The following SYS1 variants were observed in gnomAD, a reference collection of about 807,000 sequenced individuals.
SYS1 encodes protein SYS1 homolog.
Under a neutral mutation model 17.8 loss-of-function variants are expected in SYS1, and 8 were observed. That is an observed-to-expected ratio of 0.45 (90% CI 0.26 to 0.81). SYS1 has a LOEUF of 0.81. Ranked by LOEUF, SYS1 falls within the 40% of genes least tolerant of loss-of-function variation. SYS1 has a pLI of 0.16. For synonymous variants in SYS1, 95 were observed against 90.9 expected, an observed-to-expected ratio of 1.05 and a Z score of -0.26; for missense variants, 161 against 203.9, an observed-to-expected ratio of 0.79 and a Z score of 1.28.
At chr20:45,373,907 T>C (rs1988634550), downstream of SYS1, 9 of 1,613,704 alleles carry the variant, frequency 5.6e-6, no homozygotes, top group Non-Finnish European at 6.8e-6. Context: ...ATGGAAGATC[T>C]TATTTGTAGA....
Position 45,367,267 on chromosome 20 carries a change from A to G in SYS1, c.*152A>G, listed in dbSNP as rs1036421441. 4.4e-5 allele frequency: 64 copies of G among 1,460,872 alleles called. No individual in the cohort carries two copies. Among genetic ancestry groups the G allele is most frequent in the Non-Finnish European group, 5.6e-5 (62 of 1,109,566 alleles). The allele number at this position is 1,460,872 out of a possible 1,614,324, so 90.5% of individuals were successfully genotyped here. On this transcript the variant is annotated 3_prime_UTR_variant, in exon 4 of 4. Coordinates refer to ENST00000243918, the MANE Select transcript of SYS1 (RefSeq NM_033542.4). The stretch of plus-strand genomic sequence containing the variant: ...GGGAGAGATAGTGAGGGCCTGTCAA[A>G]GAAGGCAGGTAGCAGTCAGCATGAC...
chr20:45,373,533 C>A (rs1988620659), downstream of SYS1: 1 of 275,956 alleles, frequency 3.6e-6, no homozygotes, highest in Non-Finnish European at 7.0e-6. Context: ...GAATGGGGAG[C>A]AACCAGGAGC....
In SYS1 at chr20:45,369,165, C is replaced by CA. The variant is rs1240444166; in HGVS notation, c.*2051dup. The CA allele has an allele frequency of 7.9e-5, 12 of 152,296 alleles. No individual in the cohort carries two copies. The East Asian group carries it at 2.3e-3, about 29-fold the overall frequency. The allele number at this position is 152,296 out of a possible 1,614,324, so 9.4% of individuals were successfully genotyped here. On this transcript the variant is annotated 3_prime_UTR_variant, in exon 4 of 4. Coordinates refer to ENST00000243918, the MANE Select transcript of SYS1 (RefSeq NM_033542.4). Reference sequence around the variant, plus strand: ...AGAGAGGGCAGGGCAATGGCAGTGACATGTTTGTCATTTTAATAATAAATA... The same window carrying CA: ...AGAGAGGGCAGGGCAATGGCAGTGACAATGTTTGTCATTTTAATAATAAATA...
intron 3 of SYS1, 116 bp from the exon 4 acceptor site, chr20:45,366,759 C>T: frequency 2.3e-6 from 2 of 851,230 alleles, no homozygotes; most frequent in Non-Finnish European, 3.8e-6. Flanking sequence ...ACCCTTGCTT[C>T]ACACTTATCT....
downstream of SYS1, among the ~76,000 whole-genome samples, chr20:45,372,155 A>T (rs1600752613): frequency 6.6e-6 from 1 of 152,078 alleles, no homozygotes; most frequent in East Asian, 1.9e-4. Context: ...TAGTGGGGAG[A>T]CCCTGGTTGT....
downstream of SYS1, among the ~76,000 whole-genome samples, chr20:45,370,076 C>T (rs1988529813): frequency 1.3e-5 from 2 of 151,838 alleles, no homozygotes; most frequent in African/African-American, 4.8e-5. Context: ...AGGTTGGCAC[C>T]ATCATGCTTG....
chr20:45,371,870 A>G (rs1180963731), downstream of SYS1, among the ~76,000 whole-genome samples: 2 of 152,214 alleles, frequency 1.3e-5, no homozygotes, highest in Non-Finnish European at 2.9e-5. Flanking sequence ...CATTTGTTCA[A>G]TGCCCCACAA....
chr20:45,373,851 C>T, downstream of SYS1: 3 of 1,545,932 alleles, frequency 1.9e-6, no homozygotes, highest in Non-Finnish European at 2.7e-6. Flanking sequence ...TCCTTCCCAG[C>T]CCCAGACAAA....
At position 45,369,022 on chromosome 20, in the gene SYS1, T is replaced by C. The variant is rs1263758282; in HGVS notation, c.*1907T>C. Reference sequence around the variant, plus strand: ...GCCAAAAGTCACGTGATCCAAACTTTTTTTCAGTAATATGGAGACTGAGCT... The same window carrying C: ...GCCAAAAGTCACGTGATCCAAACTTCTTTTCAGTAATATGGAGACTGAGCT... On this transcript the variant is annotated 3_prime_UTR_variant, in exon 4 of 4. Coordinates refer to ENST00000243918, the MANE Select transcript of SYS1 (RefSeq NM_033542.4). The C allele has an allele frequency of 6.1e-6, 2 of 330,222 alleles. No individual in the cohort carries two copies. Among genetic ancestry groups the C allele is most frequent in the African/African-American group, 2.2e-5 (1 of 44,804 alleles). The allele number at this position is 330,222 out of a possible 1,614,324, so 20.5% of individuals were successfully genotyped here. A position where few individuals can be genotyped will look rare whatever the true frequency, so the allele number is the denominator to read the frequency against.
chr20:45,364,237 C>T (rs1302543131), intron 2 of SYS1, among the ~76,000 whole-genome samples: 1 of 152,160 alleles, frequency 6.6e-6, no homozygotes, highest in Non-Finnish European at 1.5e-5. Flanking sequence ...AGCAAGGGTT[C>T]AGTCTAGGCC....
At chr20:45,362,098 C>T (rs117982957), upstream of SYS1, 4,494 of 848,922 alleles carry the variant, frequency 5.3e-3, 21 homozygotes, top group Non-Finnish European at 5.8e-3. Flanking sequence ...TGACTGTCCA[C>T]TATTCGGATT....
rs972334914 is a variant in SYS1, at chr20:45,367,579, G to C, written c.*464G>C. 1.0e-6 allele frequency: 1 copy of C among 987,362 alleles called. No homozygotes were observed. The highest frequency in any genetic ancestry group is 1.2e-6 in the Non-Finnish European group (1 of 835,416). The allele number at this position is 987,362 out of a possible 1,614,324, so 61.2% of individuals were successfully genotyped here. On this transcript the variant is annotated 3_prime_UTR_variant, in exon 4 of 4. Transcript: ENST00000243918. Reference sequence around the variant, plus strand: ...GCCGAATCACAGCAGTTCTGTTGGAGAAACGCTTGGTTTCCGGATCCAGAG... The same window carrying C: ...GCCGAATCACAGCAGTTCTGTTGGACAAACGCTTGGTTTCCGGATCCAGAG...
At chr20:45,373,994 CGTCCAG>C, downstream of SYS1, 1 of 1,614,068 alleles carries the variant, frequency 6.2e-7, no homozygotes, top group Non-Finnish European at 8.5e-7. Flanking sequence ...CTCTGGCTCT[CGTCCAG>C]GTCACATCAA....
exon 4 of SYS1, chr20:45,374,576 C>A (rs1162807536): frequency 1.3e-5 from 6 of 475,848 alleles, no homozygotes; most frequent in South Asian, 4.5e-5. Context: ...CTAGCCTGTT[C>A]AGAGTAAATC....
chr20:45,363,612 C>T lies in SYS1; in HGVS notation c.81C>T (p.Tyr27=), dbSNP rs1264833599. 11 of 1,596,642 alleles carry T rather than the reference C, an allele frequency of 6.9e-6. No homozygotes were observed. Among genetic ancestry groups the T allele is most frequent in the Non-Finnish European group, 7.7e-6 (9 of 1,172,578 alleles). ...SQIVLMQTVY[Y]GSLGLWLALV... is the part of the protein sequence containing the mutation. ...TCGTCCTCATGCAGACCGTGTATTA[C>T]GGCTCGCTGGGCCTGTGGCTGGCGC... The change falls in exon 2 of 4, where the codon TAC becomes TAT. Residue 27 remains tyrosine (Y), a synonymous_variant. Coordinates refer to ENST00000243918, the MANE Select transcript of SYS1 (RefSeq NM_033542.4).
chr20:45,373,852 C>T (rs900612188), downstream of SYS1: 23 of 1,549,274 alleles, frequency 1.5e-5, no homozygotes, highest in Non-Finnish European at 2.0e-5. Context: ...CCTTCCCAGC[C>T]CCAGACAAAC....
At chr20:45,373,978 T>C, downstream of SYS1, 1 of 1,614,066 alleles carries the variant, frequency 6.2e-7, no homozygotes, top group Non-Finnish European at 8.5e-7. Flanking sequence ...CACCCTCTGC[T>C]CGCACCTCTG....
In SYS1 at chr20:45,368,189, A is replaced by G; in HGVS notation, c.*1074A>G. The G allele has an allele frequency of 1.0e-6, 1 of 985,414 alleles. No individual in the cohort carries two copies. The highest frequency in any genetic ancestry group is 1.2e-6 in the Non-Finnish European group (1 of 829,920). The allele number at this position is 985,414 out of a possible 1,614,324, so 61.0% of individuals were successfully genotyped here. The stretch of plus-strand genomic sequence containing the variant: ...CAGCGCAGCCAGGCAAGGGAACTTT[A>G]AAGAATTATTAGGCCACCTTCTCCC... On this transcript the variant is annotated 3_prime_UTR_variant, in exon 4 of 4. Transcript: ENST00000243918.
At position 45,368,235 on chromosome 20, in the gene SYS1, T is replaced by G. The variant is rs1017631639; in HGVS notation, c.*1120T>G. The G allele has an allele frequency of 2.8e-5, 28 of 985,366 alleles. No individual in the cohort carries two copies. The highest frequency in any genetic ancestry group is 3.4e-5 in the Non-Finnish European group (28 of 829,944). The allele number at this position is 985,366 out of a possible 1,614,324, so 61.0% of individuals were successfully genotyped here. On this transcript the variant is annotated 3_prime_UTR_variant, in exon 4 of 4. Coordinates refer to ENST00000243918, the MANE Select transcript of SYS1 (RefSeq NM_033542.4). ...CTCCCTTTCCTGGACCCCAGAGTCA[T>G]TCCTCCATTTGGTTAAAATACTCAG...
Sources: allele counts gnomAD v4.1 joint callset (sites outside exome capture counted in the v4.1 genomes callset), GRCh38; gene constraint gnomAD v4.1.1; transcripts MANE v1.5; gene names NCBI Gene and HGNC (gene_info 2026-07-23, HGNC 2026-07-21).